The following SGIP1 variants were observed in gnomAD, a reference collection of about 807,000 sequenced individuals.
SGIP1 encodes the protein SH3-containing GRB2-like protein 3-interacting protein 1.
A neutral mutation model predicts 107.5 loss-of-function variants in SGIP1; 38 were observed. That is an observed-to-expected ratio of 0.35 (90% CI 0.27 to 0.46). SGIP1 has a LOEUF of 0.46. Ranked by LOEUF, SGIP1 falls within the 20% of genes least tolerant of loss-of-function variation. SGIP1 has a pLI of 1.00. For synonymous variants in SGIP1, 365 were observed against 366.1 expected (o/e 1.00, Z 0.03); for missense variants, 929 against 1,019.5 (o/e 0.91, Z 1.21).
chr1:66,690,480 G>A, intron 17 of SGIP1, 164 bp downstream of exon 17: 1 of 915,496 alleles, frequency 1.1e-6, no homozygotes, highest in Non-Finnish European at 1.6e-6. Context: ...AGCAAAGGAG[G>A]CAAAGTGCTT....
At chr1:66,657,563 T>C (rs1411535193) in intron 7 of SGIP1, among the ~76,000 whole-genome samples, 1 of 152,186 alleles carries the variant, frequency 6.6e-6, no homozygotes, top group East Asian at 1.9e-4. Flanking sequence ...ACCATGTTAT[T>C]TGGAGTAATA....
chr1:66,550,268 A>G (rs1460521563), intron 1 of SGIP1, among the ~76,000 whole-genome samples: 1 of 152,120 alleles, frequency 6.6e-6, no homozygotes, highest in African/African-American at 2.4e-5. Flanking sequence ...ACATACACCT[A>G]TGTATGGCGA....
At chr1:66,681,382 A>T (rs2149988593) in intron 14 of SGIP1, among the ~76,000 whole-genome samples, 1 of 152,376 alleles carries the variant, frequency 6.6e-6, no homozygotes, top group South Asian at 2.1e-4. Flanking sequence ...TTTAATATAC[A>T]AGAGTAGACA....
At chr1:66,723,788 T>C (rs2093642222) in intron 19 of SGIP1, among the ~76,000 whole-genome samples, 1 of 152,194 alleles carries the variant, frequency 6.6e-6, no homozygotes, top group South Asian at 2.1e-4. Context: ...TTCTACATTA[T>C]GCACCGTTGC....
intron 18 of SGIP1, among the ~76,000 whole-genome samples, chr1:66,701,344 A>C (rs2091884483): frequency 6.6e-6 from 1 of 152,184 alleles, no homozygotes; most frequent in Non-Finnish European, 1.5e-5. Flanking sequence ...AATCAATAAC[A>C]GGAAAATTAT....
At chr1:66,691,734 G>A (rs2089897043) in intron 17 of SGIP1, among the ~76,000 whole-genome samples, 1 of 152,142 alleles carries the variant, frequency 6.6e-6, no homozygotes, top group Non-Finnish European at 1.5e-5. Context: ...TCCTTCATGT[G>A]ATTTGACTTG....
At chr1:66,739,186 T>C in intron 21 of SGIP1, 149 bp from the exon 22 acceptor site, 1 of 812,814 alleles carries the variant, frequency 1.2e-6, no homozygotes, top group Non-Finnish European at 1.9e-6. Context: ...AACAGTTTAC[T>C]TGAAGCACCC....
intron 1 of SGIP1, among the ~76,000 whole-genome samples, chr1:66,557,137 C>T (rs1389803382): frequency 6.6e-6 from 1 of 152,016 alleles, no homozygotes; most frequent in Admixed American, 6.6e-5. Flanking sequence ...AGCTCAGTGC[C>T]CAGCATCCAC....
At chr1:66,694,417 T>C in intron 17 of SGIP1, 16 of 1,602,098 alleles carry the variant, frequency 1.0e-5, no homozygotes, top group Non-Finnish European at 1.4e-5. Flanking sequence ...TTTCCATTCG[T>C]TTATGTTTCT....
At chr1:66,576,768 G>A (rs2061127396) in intron 1 of SGIP1, among the ~76,000 whole-genome samples, 1 of 152,132 alleles carries the variant, frequency 6.6e-6, no homozygotes, top group African/African-American at 2.4e-5. Flanking sequence ...CTGGCCACAA[G>A]CCAGACTCCT....
intron 19 of SGIP1, among the ~76,000 whole-genome samples, chr1:66,728,632 A>G (rs2093868590): frequency 1.3e-5 from 2 of 152,218 alleles, no homozygotes; most frequent in African/African-American, 4.8e-5. Flanking sequence ...AAATCATTCT[A>G]TCATCAAGAC....
At chr1:66,636,266 C>T (rs544916682) in intron 4 of SGIP1, among the ~76,000 whole-genome samples, 9 of 152,216 alleles carry the variant, frequency 5.9e-5, no homozygotes, top group African/African-American at 1.4e-4. Context: ...CCTGTTTCAT[C>T]GACAAAGGAC....
intron 13 of SGIP1, among the ~76,000 whole-genome samples, chr1:66,677,307 A>G (rs2085613748): frequency 6.6e-6 from 1 of 152,258 alleles, no homozygotes; most frequent in African/African-American, 2.4e-5. Context: ...AAAGCAAATT[A>G]TTAACCTTGA....
Position 66,742,505 on chromosome 1 carries a change from T to TGTCGCCCAGGCTGGAGTGCA in SGIP1, c.2465-565_2465-546dup, listed in dbSNP as rs1410020061. Among the ~76,000 whole-genome samples, 4 of 117,986 alleles carry TGTCGCCCAGGCTGGAGTGCA rather than the reference T, an allele frequency of 3.4e-5. No homozygotes were observed. The East Asian group carries it at 6.8e-4, about 20-fold the overall frequency. The allele number at this position is 117,986 out of a possible 152,430, so 77.4% of individuals were successfully genotyped here. ...TTTTTTTTGAGACGGAGTCTCACTC[T>TGTCGCCCAGGCTGGAGTGCA]GTCGCCCAGGCTGGAGTGCAGTGGC... On this transcript the variant is annotated intron_variant, in intron 24 of 24. Coordinates refer to ENST00000371037, the MANE Select transcript of SGIP1 (RefSeq NM_032291.4).
At chr1:66,590,401 G>C (rs1309100913) in intron 1 of SGIP1, 2 of 152,050 alleles carry the variant, frequency 1.3e-5, no homozygotes, top group Non-Finnish European at 2.9e-5. Flanking sequence ...TCTAATTATG[G>C]GTTGTATAGG....
intron 1 of SGIP1, among the ~76,000 whole-genome samples, chr1:66,570,971 A>G (rs2060297385): frequency 6.6e-6 from 1 of 151,968 alleles, no homozygotes; most frequent in Non-Finnish European, 1.5e-5. Context: ...CATTTGTAAA[A>G]TCATCCTCTT....
At chr1:66,684,084 CTG>C (rs2087585543) in intron 15 of SGIP1, 1 of 1,550,028 alleles carries the variant, frequency 6.5e-7, no homozygotes, top group South Asian at 1.2e-5. Flanking sequence ...GTGGTAGATA[CTG>C]TTATCTTTCC....
intron 3 of SGIP1, chr1:66,633,934 A>G: frequency 1.5e-6 from 1 of 647,024 alleles, no homozygotes. Context: ...TTGCAGCTAT[A>G]GCAGGAATTT....
intron 7 of SGIP1, among the ~76,000 whole-genome samples, chr1:66,655,268 G>C (rs1241099684): frequency 1.3e-5 from 2 of 151,362 alleles, no homozygotes; most frequent in African/African-American, 4.9e-5. Flanking sequence ...CTACTCCCTG[G>C]CTCCCTGGGA....
Sources: allele counts gnomAD v4.1 joint callset (sites outside exome capture counted in the v4.1 genomes callset), GRCh38; gene constraint gnomAD v4.1.1; transcripts MANE v1.5; gene names NCBI Gene and HGNC (gene_info 2026-07-23, HGNC 2026-07-21).